Variants in SLC2A1 observed in about 807,000 individuals in gnomAD.
SLC2A1 encodes solute carrier family 2 member 1.
In SLC2A1, 4 loss-of-function variants were observed where a neutral mutation model predicts 46.6. The observed-to-expected ratio is 0.09, with a 90% confidence interval of 0.04 to 0.20. SLC2A1 has a LOEUF of 0.20. Ranked by LOEUF, SLC2A1 falls within the 10% of genes least tolerant of loss-of-function variation. SLC2A1 has a pLI of 1.00. For synonymous variants in SLC2A1, 253 were observed against 270.0 expected, an observed-to-expected ratio of 0.94 and a Z score of 0.62; for missense variants, 352 against 667.0, an observed-to-expected ratio of 0.53 and a Z score of 5.20.
intron 1 of SLC2A1, chr1:42,952,361 C>G (rs1335900895): frequency 4.2e-6 from 2 of 477,190 alleles, no homozygotes; most frequent in South Asian, 3.0e-5. Context: ...GGCCCACACT[C>G]AGCCTAGCGC....
rs545467059 is a variant in SLC2A1 at position 42,927,319 on chromosome 1, C to T, written c.1279-78G>A. ...GTAGGACTTTGGATAAGTCACTTTA[C>T]CTTTGGGCCTTTGAGCTGAAAAGGG... On this transcript the variant is annotated intron_variant, in intron 9 of 9. Coordinates refer to ENST00000426263, the MANE Select transcript of SLC2A1 (RefSeq NM_006516.4). This position sits in a 1 kb window ranked among gnomAD's most constrained non-coding sequence, Gnocchi z 5.3. 5.8e-4 allele frequency: 783 copies of T among 1,345,776 alleles called. 2 individuals carry two copies. Among genetic ancestry groups the T allele is most frequent in the Non-Finnish European group, 8.0e-5 (76 of 945,712 alleles). The allele number at this position is 1,345,776 out of a possible 1,614,324, so 83.4% of individuals were successfully genotyped here. A position where few individuals can be genotyped will look rare whatever the true frequency, so the allele number is the denominator to read the frequency against.
At chr1:42,956,220 T>C (rs1253632869) in intron 1 of SLC2A1, among the ~76,000 whole-genome samples, 1 of 152,122 alleles carries the variant, frequency 6.6e-6, no homozygotes, top group African/African-American at 2.4e-5. Flanking sequence ...TATGAAGGCA[T>C]ATCATCTGTT....
chr1:42,939,861 G>A (rs1428959490), intron 2 of SLC2A1, among the ~76,000 whole-genome samples: 5 of 150,004 alleles, frequency 3.3e-5, no homozygotes, highest in African/African-American at 1.2e-4. Context: ...GCTGAGGCAC[G>A]AGAACCACTT....
At chr1:42,942,128 G>A (rs1643604677) in intron 2 of SLC2A1, among the ~76,000 whole-genome samples, 1 of 152,232 alleles carries the variant, frequency 6.6e-6, no homozygotes, top group East Asian at 1.9e-4. Flanking sequence ...CTGACGTGAG[G>A]ACTGCCCACT....
chr1:42,943,382 G>T (rs1643618429), intron 1 of SLC2A1, 61 bp from the exon 2 acceptor site: 1 of 1,177,558 alleles, frequency 8.5e-7, no homozygotes, highest in Non-Finnish European at 1.3e-6. Context: ...TACAGGGCAG[G>T]GCCTGGACTG....
intron 1 of SLC2A1, among the ~76,000 whole-genome samples, chr1:42,950,556 TGA>T (rs1185141913): frequency 1.3e-5 from 2 of 152,180 alleles, no homozygotes; most frequent in African/African-American, 4.8e-5. Flanking sequence ...CATTTGGTGG[TGA>T]GATGGGCAAT....
Position 42,926,633 on chromosome 1 carries a change from AGTGTGTCCTTAG to A in SLC2A1, c.*396_*407del. 1 of 1,145,518 alleles carries A rather than the reference AGTGTGTCCTTAG, an allele frequency of 8.7e-7. No homozygotes were observed. Among genetic ancestry groups the A allele is most frequent in the Non-Finnish European group, 1.2e-6 (1 of 865,406 alleles). 71.0% of individuals were successfully genotyped at this position (1,145,518 alleles called of 1,614,324 possible). A position where few individuals can be genotyped will look rare whatever the true frequency, so the allele number is the denominator to read the frequency against. ...AAGCTTTGTAGTTCATAGTTCGATT[AGTGTGTCCTTAG>A]GACATAGGTCCAGCCCTACAGATTA... is the stretch of plus-strand genomic sequence containing the variant. On this transcript the variant is annotated 3_prime_UTR_variant, in exon 10 of 10. Transcript: ENST00000426263.
chr1:42,928,112 G>A (rs1643447391), intron 8 of SLC2A1, among the ~76,000 whole-genome samples: 1 of 152,220 alleles, frequency 6.6e-6, no homozygotes, highest in African/African-American at 2.4e-5. Flanking sequence ...GTCCGCCTGT[G>A]GCAGGATGCA....
chr1:42,952,080 G>T (rs1643727369), intron 1 of SLC2A1: 1 of 449,160 alleles, frequency 2.2e-6, no homozygotes, highest in Non-Finnish European at 3.9e-6. Context: ...CAAGGATGGG[G>T]TCAACAGATG....
chr1:42,951,829 G>A (rs1401906524), intron 1 of SLC2A1: 1 of 399,192 alleles, frequency 2.5e-6, no homozygotes, highest in Non-Finnish European at 4.4e-6. Flanking sequence ...AGACCACATG[G>A]TAACCCCACA....
intron 2 of SLC2A1, among the ~76,000 whole-genome samples, chr1:42,931,420 A>C (rs1397094551): frequency 1.3e-5 from 2 of 151,782 alleles, no homozygotes; most frequent in African/African-American, 4.8e-5. Flanking sequence ...AGCCCCGCCA[A>C]CTCTCCCACT....
chr1:42,952,032 A>AGG (rs909109955), intron 1 of SLC2A1: 4 of 426,746 alleles, frequency 9.4e-6, no homozygotes, highest in African/African-American at 8.1e-5. Context: ...ATGGGTGATG[A>AGG]GGGGGCCCAG....
At chr1:42,957,484 G>A (rs1643788563) in intron 1 of SLC2A1, among the ~76,000 whole-genome samples, 1 of 152,174 alleles carries the variant, frequency 6.6e-6, no homozygotes, top group Admixed American at 6.5e-5. Context: ...CCGCGTCCCA[G>A]CTAAGAAAAC....
chr1:42,951,569 C>T (rs1643720698), intron 1 of SLC2A1: 2 of 336,978 alleles, frequency 5.9e-6, no homozygotes, highest in Non-Finnish European at 5.3e-6. Context: ...TCTACACATG[C>T]ACAAAGAGAA....
intron 1 of SLC2A1, among the ~76,000 whole-genome samples, chr1:42,956,340 T>C (rs2124475969): frequency 6.9e-6 from 1 of 144,080 alleles, no homozygotes; most frequent in East Asian, 2.1e-4. Flanking sequence ...GGCGGGCAGA[T>C]CATCTGAGGT....
chr1:42,929,342 C>T lies in SLC2A1; in HGVS notation c.868-28G>A. ...GCCAGACAAGAGAAACTGTTGGGGC[C>T]TACCTGGACATTGTGGCCCTTCCCT... On this transcript the variant is annotated intron_variant, in intron 6 of 9. Coordinates refer to ENST00000426263, the MANE Select transcript of SLC2A1 (RefSeq NM_006516.4). The surrounding 1 kb of genome is among the most constrained non-coding windows in gnomAD (Gnocchi z 6.0). 1 of 1,564,434 alleles carries T rather than the reference C, an allele frequency of 6.4e-7. No homozygotes were observed. Among genetic ancestry groups the T allele is most frequent in the South Asian group, 1.1e-5 (1 of 87,570 alleles).
At position 42,929,770 on chromosome 1, in the gene SLC2A1, C is replaced by A; in HGVS notation, c.690G>T (p.Lys230Asn). 6.2e-7 allele frequency: 1 copy of A among 1,614,194 alleles called. No individual in the cohort carries two copies. Among genetic ancestry groups the A allele is most frequent in the Non-Finnish European group, 8.5e-7 (1 of 1,180,034 alleles). The change falls in exon 6 of 10, where the codon AAG (lysine) becomes AAT (asparagine). Residue 230 changes from lysine to asparagine, a missense_variant. Physicochemically the swap from Lys to Asn is moderately conservative, Grantham distance 94. This residue lies in a region of SLC2A1 where 167 missense variants were observed against 280.8 expected (regional missense o/e 0.59). Transcript: ENST00000426263. The surrounding 1 kb of genome is among the most constrained non-coding windows in gnomAD (Gnocchi z 6.0). ...EENRAKSVLK[K>N]LRGTADVTHD... ...GGGTCACGTCAGCTGTCCCGCGCAG[C>A]TTCTTTAGCACTGGGGGGACCGGAG...
chr1:42,929,560 T>C lies in SLC2A1; in HGVS notation c.867+33A>G. 6.3e-7 allele frequency: 1 copy of C among 1,585,998 alleles called. No individual in the cohort carries two copies. Among genetic ancestry groups the C allele is most frequent in the Non-Finnish European group, 8.6e-7 (1 of 1,158,302 alleles). On this transcript the variant is annotated intron_variant, in intron 6 of 9. Transcript: ENST00000426263. The surrounding 1 kb of genome is among the most constrained non-coding windows in gnomAD (Gnocchi z 6.0). ...TGCACACTTGACCAGAGGGCTTGGCTGGGGCACAGGAAGGGTGGGTGGGGG... is the reference window on the plus strand; with the variant it reads ...TGCACACTTGACCAGAGGGCTTGGCCGGGGCACAGGAAGGGTGGGTGGGGG...
At chr1:42,942,310 G>T (rs1643606120) in intron 2 of SLC2A1, among the ~76,000 whole-genome samples, 1 of 152,100 alleles carries the variant, frequency 6.6e-6, no homozygotes, top group Non-Finnish European at 1.5e-5. Context: ...TCAGTTTCCG[G>T]GTCTACAAAA....
Sources: allele counts gnomAD v4.1 joint callset (sites outside exome capture counted in the v4.1 genomes callset), GRCh38; gene constraint gnomAD v4.1.1; regional missense constraint gnomAD v4.1.1; non-coding constraint Gnocchi (gnomAD v3.1); transcripts MANE v1.5; gene names NCBI Gene and HGNC (gene_info 2026-07-23, HGNC 2026-07-21).